Variants in ZFHX3 observed in about 807,000 individuals in gnomAD.
ZFHX3 encodes zinc finger homeobox protein 3.
In ZFHX3, 42 loss-of-function variants were observed where a neutral mutation model predicts 279.1. The observed-to-expected ratio is 0.15, with a 90% CI of 0.12 to 0.19. The LOEUF (loss-of-function observed/expected upper bound fraction) is 0.19. ZFHX3 is among the 10% of genes least tolerant of loss of function. ZFHX3 has a pLI of 1.00. For synonymous variants in ZFHX3, 2,293 were observed against 1,957.8 expected, an observed-to-expected ratio of 1.17 and a Z score of -4.52; for missense variants, 4,981 against 4,754.0, an observed-to-expected ratio of 1.05 and a Z score of -1.40.
chr16:73,454,224 A>G (rs573648445), intron 3 of ZFHX3, among the ~76,000 whole-genome samples: 3 of 152,316 alleles, frequency 2.0e-5, no homozygotes, highest in African/African-American at 7.2e-5. Flanking sequence ...GAAACATTCT[A>G]AGAGTCTACA....
At chr16:73,412,183 G>A (rs185342715) in intron 3 of ZFHX3, among the ~76,000 whole-genome samples, 69 of 151,974 alleles carry the variant, frequency 4.5e-4, no homozygotes, top group Middle Eastern at 3.4e-3. Flanking sequence ...AAAATTAGCC[G>A]GACATAGTGG....
At chr16:73,004,743 A>AT (rs1376388848) in intron 1 of ZFHX3, among the ~76,000 whole-genome samples, 2 of 152,184 alleles carry the variant, frequency 1.3e-5, no homozygotes, top group Middle Eastern at 3.4e-3. Context: ...AGCATGCACA[A>AT]TTTTTTTTAA....
At chr16:72,899,510 G>A (rs1210192809) in intron 3 of ZFHX3, among the ~76,000 whole-genome samples, 1 of 152,144 alleles carries the variant, frequency 6.6e-6, no homozygotes, top group Non-Finnish European at 1.5e-5. Flanking sequence ...CCAGTCTCGG[G>A]TATGTCTTTA....
chr16:73,347,155 G>A (rs2016139115), intron 3 of ZFHX3, among the ~76,000 whole-genome samples: 1 of 152,204 alleles, frequency 6.6e-6, no homozygotes, highest in Admixed American at 6.5e-5. Flanking sequence ...CAAAGTCTAT[G>A]TTTACACAGT....
chr16:72,921,034 T>A (rs1252100859), intron 3 of ZFHX3, among the ~76,000 whole-genome samples: 2 of 128,666 alleles, frequency 1.6e-5, no homozygotes, highest in Non-Finnish European at 3.1e-5. Context: ...ATCCCGCCAC[T>A]ATTCTACAGC....
intron 3 of ZFHX3, among the ~76,000 whole-genome samples, chr16:73,429,976 C>A (rs1048683813): frequency 6.6e-6 from 1 of 152,188 alleles, no homozygotes; most frequent in Non-Finnish European, 1.5e-5. Context: ...CAGCCTTGAC[C>A]TGCTGGGCTC....
intron 1 of ZFHX3, among the ~76,000 whole-genome samples, chr16:73,820,563 C>T (rs569793329): frequency 6.6e-6 from 1 of 152,078 alleles, no homozygotes; most frequent in Non-Finnish European, 1.5e-5. Flanking sequence ...TGAGTTATCC[C>T]TGTTACCCAG....
At chr16:73,299,593 T>C (rs1330575771) in intron 4 of ZFHX3, among the ~76,000 whole-genome samples, 1 of 152,064 alleles carries the variant, frequency 6.6e-6, no homozygotes, top group Non-Finnish European at 1.5e-5. Context: ...GTAATGATCA[T>C]GAGGAAGAGG....
intron 1 of ZFHX3, among the ~76,000 whole-genome samples, chr16:73,849,582 A>G (rs1029480626): frequency 3.9e-5 from 6 of 152,224 alleles, no homozygotes; most frequent in Non-Finnish European, 8.8e-5. Context: ...CTCCCAAGTT[A>G]CCAAAAGTTG....
intron 1 of ZFHX3, among the ~76,000 whole-genome samples, chr16:73,025,487 T>C (rs1454975137): frequency 2.6e-5 from 4 of 152,236 alleles, no homozygotes; most frequent in Non-Finnish European, 4.4e-5. Flanking sequence ...ACGGACTCGA[T>C]ACAGCAGTAT....
At chr16:73,088,224 C>T (rs1471562912) in intron 8 of ZFHX3, among the ~76,000 whole-genome samples, 3 of 151,978 alleles carry the variant, frequency 2.0e-5, no homozygotes, top group Non-Finnish European at 2.9e-5. Context: ...TAGCTCACTG[C>T]GGCCTCAAAC....
chr16:73,768,646 G>A (rs374918392), intron 1 of ZFHX3, among the ~76,000 whole-genome samples: 2 of 152,068 alleles, frequency 1.3e-5, no homozygotes, highest in East Asian at 1.9e-4. Flanking sequence ...CCTGTTGTCT[G>A]TCTTTATTTC....
chr16:73,818,425 A>G (rs1002382535), intron 1 of ZFHX3, among the ~76,000 whole-genome samples: 1 of 152,176 alleles, frequency 6.6e-6, no homozygotes, highest in African/African-American at 2.4e-5. Context: ...ACGCTAAGCA[A>G]TTTGATGTAC....
At chr16:72,977,595 G>GA (rs55963116) in intron 1 of ZFHX3, among the ~76,000 whole-genome samples, 109,646 of 151,426 alleles carry the variant, frequency 0.72, 40,460 homozygotes, top group Non-Finnish European at 0.8. Flanking sequence ...TCAGTGGGGG[G>GA]AAAAAAATCA....
intron 1 of ZFHX3, among the ~76,000 whole-genome samples, chr16:73,774,206 A>G (rs2054051364): frequency 6.6e-6 from 1 of 152,188 alleles, no homozygotes; most frequent in Non-Finnish European, 1.5e-5. Flanking sequence ...CCTTGGTCCA[A>G]AAACTCTCCA....
chr16:73,324,187 T>C (rs1248240422), intron 3 of ZFHX3, among the ~76,000 whole-genome samples: 2 of 152,194 alleles, frequency 1.3e-5, no homozygotes, highest in South Asian at 4.1e-4. Flanking sequence ...CTGAGTCAGA[T>C]AGGAGGCTTG....
At position 73,262,721 on chromosome 16, in the gene ZFHX3, C is replaced by G. The variant is rs577449012; in HGVS notation, c.-1193-5585G>C. ...AGAAAAAGAGTGTTTTTCTCTACCC[C>G]TTTAACGTAGTGAAAATGAAGTTGT... On this transcript the variant is annotated intron_variant, in intron 4 of 17. Transcript: ENST00000641206. 3.7e-4 allele frequency among the ~76,000 whole-genome samples: 57 copies of G among 152,254 alleles called. No individual in the cohort carries two copies. In the East Asian group the frequency reaches 6.4e-3, roughly 17 times the overall value.
intron 4 of ZFHX3, among the ~76,000 whole-genome samples, chr16:73,261,410 G>T (rs754675785): frequency 1.2e-4 from 19 of 152,054 alleles, no homozygotes; most frequent in African/African-American, 2.4e-5. Context: ...GGGTAGCATG[G>T]GGAACAGAGG....
intron 7 of ZFHX3, among the ~76,000 whole-genome samples, chr16:73,106,487 A>G (rs1366303110): frequency 6.6e-6 from 1 of 152,154 alleles, no homozygotes; most frequent in Non-Finnish European, 1.5e-5. Context: ...CAAAGGGCCA[A>G]GCAGTCAGAT....
Sources: allele counts gnomAD v4.1 joint callset (sites outside exome capture counted in the v4.1 genomes callset), GRCh38; gene constraint gnomAD v4.1.1; transcripts MANE v1.5; gene names NCBI Gene and HGNC (gene_info 2026-07-23, HGNC 2026-07-21).